The following APBB1IP variants were observed in gnomAD, a reference collection of about 807,000 sequenced individuals.
APBB1IP encodes amyloid beta precursor protein binding family B member 1 interacting protein, also known as amyloid beta A4 precursor protein-binding family B member 1-interacting protein.
In APBB1IP, 27 loss-of-function variants were observed where a neutral mutation model predicts 64.9. The observed-to-expected ratio is 0.42, with a 90% CI of 0.31 to 0.57. The LOEUF (loss-of-function observed/expected upper bound fraction) is 0.57. Among genes scored for constraint, APBB1IP ranks in the 20% least tolerant of loss-of-function variants. The pLI is 0.20. For synonymous variants in APBB1IP, 392 were observed against 331.0 expected (o/e 1.18, Z -2.00); for missense variants, 812 against 845.5 (o/e 0.96, Z 0.49).
At chr10:26,461,189 A>C (rs1406230522) in intron 2 of APBB1IP, among the ~76,000 whole-genome samples, 2 of 151,950 alleles carry the variant, frequency 1.3e-5, no homozygotes, top group Non-Finnish European at 2.9e-5. Flanking sequence ...AGAAGGAAGG[A>C]AGGGAAGGAG....
rs1836010514 is a variant in APBB1IP, at chr10:26,495,555, GC to G, written c.73-746del. On this transcript the variant is annotated intron_variant, in intron 3 of 14. Coordinates refer to ENST00000376236, the MANE Select transcript of APBB1IP (RefSeq NM_019043.4). ...AGGCCAAGACAGGAGGCTCACATGA[GC>G]CCAGGAGTTCAAGACCAGCCTGGGC... 4.6e-5 allele frequency among the ~76,000 whole-genome samples: 7 copies of G among 151,136 alleles called. No individual in the cohort carries two copies. In the South Asian group the frequency reaches 1.5e-3, roughly 32 times the overall value.
chr10:26,513,353 A>G (rs1203294954), intron 7 of APBB1IP, among the ~76,000 whole-genome samples, 186 bp from the exon 8 acceptor site: 2 of 152,240 alleles, frequency 1.3e-5, no homozygotes, highest in Non-Finnish European at 2.9e-5. Context: ...ATAATGGAAG[A>G]TAACTTGAAG....
intron 2 of APBB1IP, among the ~76,000 whole-genome samples, chr10:26,486,976 CT>C (rs1297656224): frequency 6.6e-6 from 1 of 152,150 alleles, no homozygotes; most frequent in Non-Finnish European, 1.5e-5. Flanking sequence ...CAAAATCTAG[CT>C]GATTTTGTAG....
At chr10:26,554,730 C>T (rs986326294) in intron 11 of APBB1IP, among the ~76,000 whole-genome samples, 1 of 152,028 alleles carries the variant, frequency 6.6e-6, no homozygotes, top group Non-Finnish European at 1.5e-5. Context: ...TACAGGTGCA[C>T]ACCACCACAC....
chr10:26,528,176 G>A (rs991973252), intron 8 of APBB1IP, among the ~76,000 whole-genome samples: 2 of 152,138 alleles, frequency 1.3e-5, no homozygotes, highest in East Asian at 1.9e-4. Context: ...CAAACCCAAC[G>A]TAAGTGAAGC....
chr10:26,566,400 G>A (rs572575599), intron 14 of APBB1IP, among the ~76,000 whole-genome samples: 15 of 152,200 alleles, frequency 9.9e-5, no homozygotes, highest in African/African-American at 2.9e-4. Context: ...GACTACGGGC[G>A]TCTGCCACCA....
At chr10:26,545,109 A>C (rs1449291699) in intron 11 of APBB1IP, among the ~76,000 whole-genome samples, 3 of 152,238 alleles carry the variant, frequency 2.0e-5, no homozygotes, top group African/African-American at 4.8e-5. Flanking sequence ...GTTCCCTCCC[A>C]AAATATTGAG....
chr10:26,513,757 G>T lies in APBB1IP; in HGVS notation c.813+97G>T, dbSNP rs1230885660. ...AAAGGCTGGAGACAGGGTCTGAAAG[G>T]CTGGAGACGGAGTCTCGAAGGCTGG... On this transcript the variant is annotated intron_variant, in intron 8 of 14. Coordinates refer to ENST00000376236, the MANE Select transcript of APBB1IP (RefSeq NM_019043.4). 4 of 1,422,006 alleles carry T rather than the reference G, an allele frequency of 2.8e-6. No homozygotes were observed. The East Asian group carries it at 7.3e-5, about 26-fold the overall frequency. 88.1% of individuals were successfully genotyped at this position (1,422,006 alleles called of 1,614,324 possible). A position where few individuals can be genotyped will look rare whatever the true frequency, so the allele number is the denominator to read the frequency against.
At chr10:26,500,658 C>T (rs547639740) in intron 4 of APBB1IP, among the ~76,000 whole-genome samples, 161 bp from the exon 5 acceptor site, 13 of 152,296 alleles carry the variant, frequency 8.5e-5, no homozygotes, top group Admixed American at 3.3e-4. Context: ...GGAATTCCTA[C>T]GCTTGTGCTA....
At chr10:26,553,824 C>T (rs189114178) in intron 11 of APBB1IP, among the ~76,000 whole-genome samples, 1 of 152,314 alleles carries the variant, frequency 6.6e-6, no homozygotes, top group Admixed American at 6.5e-5. Flanking sequence ...TAGTGGCTTT[C>T]TCCAGTCCTC....
intron 11 of APBB1IP, among the ~76,000 whole-genome samples, chr10:26,542,339 T>A (rs1836707036): frequency 2.0e-5 from 3 of 152,082 alleles, no homozygotes; most frequent in Admixed American, 6.6e-5. Flanking sequence ...TATTTTTAGT[T>A]AAGATAGGGC....
intron 2 of APBB1IP, among the ~76,000 whole-genome samples, chr10:26,448,826 C>G (rs539369863): frequency 6.6e-6 from 1 of 152,286 alleles, no homozygotes; most frequent in Non-Finnish European, 1.5e-5. Flanking sequence ...GAACTGGAAA[C>G]AAATGGCGAA....
At chr10:26,563,334 C>T (rs1279945049) in intron 14 of APBB1IP, among the ~76,000 whole-genome samples, 1 of 151,976 alleles carries the variant, frequency 6.6e-6, no homozygotes, top group East Asian at 1.9e-4. Context: ...GCCTGGGTGA[C>T]AGATAAAGAC....
intron 4 of APBB1IP, 35 bp from the exon 5 acceptor site, chr10:26,500,784 G>T (rs1836086509): frequency 1.3e-6 from 2 of 1,560,238 alleles, no homozygotes; most frequent in African/African-American, 1.4e-5. Flanking sequence ...GATGCAAATA[G>T]GTTTTTATAC....
intron 2 of APBB1IP, among the ~76,000 whole-genome samples, chr10:26,480,481 T>A (rs1835821962): frequency 6.6e-6 from 1 of 152,104 alleles, no homozygotes; most frequent in African/African-American, 2.4e-5. Context: ...AAGAAAATAT[T>A]TCCAGGAGGG....
chr10:26,544,145 C>T (rs542263361), intron 11 of APBB1IP, among the ~76,000 whole-genome samples: 27 of 152,304 alleles, frequency 1.8e-4, no homozygotes, highest in African/African-American at 5.5e-4. Flanking sequence ...CACAAAGCAT[C>T]GCCCACTACC....
chr10:26,534,026 T>C (rs1836588002), intron 9 of APBB1IP, among the ~76,000 whole-genome samples: 1 of 151,564 alleles, frequency 6.6e-6, no homozygotes, highest in Non-Finnish European at 1.5e-5. Context: ...TCACAGAGAT[T>C]CAGGGAGATG....
chr10:26,480,702 AGTGATCTGCCTAC>A (rs1835825321), intron 2 of APBB1IP, among the ~76,000 whole-genome samples: 1 of 145,082 alleles, frequency 6.9e-6, no homozygotes, highest in Middle Eastern at 3.8e-3. Context: ...CCTGGGCTCA[AGTGATCTGCCTAC>A]CTCGACCTCC....
At chr10:26,539,492 G>A (rs1269860303) in intron 10 of APBB1IP, among the ~76,000 whole-genome samples, 1 of 151,366 alleles carries the variant, frequency 6.6e-6, no homozygotes, top group African/African-American at 2.4e-5. Flanking sequence ...GGGAGGGAAG[G>A]AAGGAAGGAA....
Sources: allele counts gnomAD v4.1 joint callset (sites outside exome capture counted in the v4.1 genomes callset), GRCh38; gene constraint gnomAD v4.1.1; transcripts MANE v1.5; gene names NCBI Gene and HGNC (gene_info 2026-07-23, HGNC 2026-07-21).